Variants in DSCAM observed in about 807,000 individuals in gnomAD.
DSCAM encodes DS cell adhesion molecule, also known as cell adhesion molecule DSCAM.
In DSCAM, 47 loss-of-function variants were observed where a neutral mutation model predicts 217.7. The observed-to-expected ratio is 0.22, with a 90% CI of 0.17 to 0.28. DSCAM has a LOEUF of 0.28. DSCAM is among the 10% of genes least tolerant of loss of function. The pLI is 1.00. For synonymous variants in DSCAM, 1,056 were observed against 1,015.3 expected, an observed-to-expected ratio of 1.04 and a Z score of -0.76; for missense variants, 2,080 against 2,618.3, an observed-to-expected ratio of 0.79 and a Z score of 4.49.
intron 11 of DSCAM, among the ~76,000 whole-genome samples, chr21:40,239,864 C>T (rs748031627): frequency 2.0e-5 from 3 of 152,156 alleles, no homozygotes; most frequent in Non-Finnish European, 4.4e-5. Flanking sequence ...TAATGTATTC[C>T]ATGCTTGTCT....
intron 3 of DSCAM, among the ~76,000 whole-genome samples, chr21:40,445,946 A>G (rs2075671297): frequency 6.6e-6 from 1 of 152,190 alleles, no homozygotes; most frequent in Non-Finnish European, 1.5e-5. Context: ...TGGTTTCTGT[A>G]TTAGAAAAAT....
intron 1 of DSCAM, among the ~76,000 whole-genome samples, chr21:40,717,403 G>A (rs1309445228): frequency 6.6e-6 from 1 of 152,260 alleles, no homozygotes; most frequent in Non-Finnish European, 1.5e-5. Context: ...GCAGCATTAT[G>A]TATAATGGCC....
intron 8 of DSCAM, among the ~76,000 whole-genome samples, chr21:40,322,863 G>A (rs1437204663): frequency 6.6e-6 from 1 of 152,110 alleles, no homozygotes; most frequent in African/African-American, 2.4e-5. Context: ...TTTAGGAAAA[G>A]GTGTTTAAGA....
At chr21:40,103,789 T>G (rs1371564704) in intron 20 of DSCAM, among the ~76,000 whole-genome samples, 6 of 150,634 alleles carry the variant, frequency 4.0e-5, no homozygotes, top group African/African-American at 1.5e-4. Flanking sequence ...ATTTTATATA[T>G]GACCATATAT....
At chr21:40,678,530 G>A (rs185120254) in intron 3 of DSCAM, among the ~76,000 whole-genome samples, 8 of 152,212 alleles carry the variant, frequency 5.3e-5, no homozygotes, top group Non-Finnish European at 1.5e-5. Flanking sequence ...ATATGGGCGC[G>A]TGTGGGTGAT....
chr21:40,557,057 A>G (rs567603554), intron 3 of DSCAM, among the ~76,000 whole-genome samples: 135 of 152,102 alleles, frequency 8.9e-4, no homozygotes, highest in Non-Finnish European at 1.6e-3. Flanking sequence ...AAAAATATCC[A>G]CATGTAAGTG....
intron 3 of DSCAM, among the ~76,000 whole-genome samples, chr21:40,456,970 T>C (rs1044278797): frequency 2.0e-5 from 3 of 152,176 alleles, no homozygotes; most frequent in Non-Finnish European, 4.4e-5. Flanking sequence ...AAATCAATTG[T>C]AAATCATGGC....
intron 16 of DSCAM, among the ~76,000 whole-genome samples, chr21:40,155,263 C>T (rs1202522522): frequency 6.6e-6 from 1 of 152,190 alleles, no homozygotes; most frequent in African/African-American, 2.4e-5. Flanking sequence ...ACTCTGAGGG[C>T]TGGCCTCTGG....
At chr21:40,805,641 C>T (rs867827046) in intron 1 of DSCAM, among the ~76,000 whole-genome samples, 3 of 152,054 alleles carry the variant, frequency 2.0e-5, no homozygotes, top group Middle Eastern at 3.4e-3. Context: ...ACCATCTAGC[C>T]TGTTGTCCTG....
At chr21:40,387,142 G>A (rs1256099415) in intron 3 of DSCAM, among the ~76,000 whole-genome samples, 7 of 152,066 alleles carry the variant, frequency 4.6e-5, no homozygotes, top group Admixed American at 4.6e-4. Context: ...AGGTTTCTCA[G>A]GTAAGGAAAG....
At chr21:40,437,662 C>G (rs1414993518) in intron 3 of DSCAM, among the ~76,000 whole-genome samples, 1 of 151,988 alleles carries the variant, frequency 6.6e-6, no homozygotes, top group Non-Finnish European at 1.5e-5. Context: ...ACCAGCCTGG[C>G]CCACATGGTG....
chr21:40,334,780 T>C (rs887134857), intron 8 of DSCAM, among the ~76,000 whole-genome samples: 2 of 152,158 alleles, frequency 1.3e-5, no homozygotes, highest in African/African-American at 4.8e-5. Flanking sequence ...CTGGAGTATC[T>C]GGGACTACGG....
At chr21:40,092,758 T>C (rs2089627812) in intron 21 of DSCAM, among the ~76,000 whole-genome samples, 1 of 152,136 alleles carries the variant, frequency 6.6e-6, no homozygotes, top group Admixed American at 6.5e-5. Context: ...TCTCAGGGAG[T>C]GGCTGGATAT....
intron 3 of DSCAM, among the ~76,000 whole-genome samples, chr21:40,472,484 T>G (rs2075897023): frequency 6.6e-6 from 1 of 152,204 alleles, no homozygotes; most frequent in South Asian, 2.1e-4. Flanking sequence ...AAAATTTTAA[T>G]GGAGGTACAC....
intron 3 of DSCAM, among the ~76,000 whole-genome samples, chr21:40,523,298 C>A (rs138462481): frequency 0.022 from 3,356 of 152,194 alleles, 122 homozygotes; most frequent in African/African-American, 0.076. Flanking sequence ...CCAAGACCAC[C>A]CTGGCCTGCC....
intron 32 of DSCAM, among the ~76,000 whole-genome samples, chr21:40,015,993 C>T (rs1181280606): frequency 6.6e-6 from 1 of 152,182 alleles, no homozygotes; most frequent in Non-Finnish European, 1.5e-5. Context: ...CTGGGATGAA[C>T]CCAGGGAGCT....
intron 9 of DSCAM, among the ~76,000 whole-genome samples, chr21:40,296,559 C>T (rs979103795): frequency 1.3e-5 from 2 of 152,100 alleles, no homozygotes; most frequent in Non-Finnish European, 2.9e-5. Flanking sequence ...AGGCTGGGCG[C>T]GGTGGCTCAT....
intron 3 of DSCAM, among the ~76,000 whole-genome samples, chr21:40,572,224 T>C (rs1386751690): frequency 3.3e-5 from 5 of 152,152 alleles, no homozygotes; most frequent in Non-Finnish European, 7.3e-5. Context: ...AATAGAATTA[T>C]ATAATTGTGA....
At chr21:40,079,592 T>C (rs1333145015) in intron 25 of DSCAM, among the ~76,000 whole-genome samples, 1 of 152,124 alleles carries the variant, frequency 6.6e-6, no homozygotes, top group African/African-American at 2.4e-5. Flanking sequence ...AGACATCTCC[T>C]CACCTTCTTC....
Sources: gnomAD v4.1 joint callset for allele counts (sites outside exome capture counted in the v4.1 genomes callset) on GRCh38, gnomAD v4.1.1 for gene constraint, MANE v1.5 for transcripts, NCBI Gene and HGNC (gene_info 2026-07-23, HGNC 2026-07-21) for gene names.